Variants in STX17 observed in about 807,000 individuals in gnomAD.
STX17 encodes the protein syntaxin 17.
STX17 carries 29 observed loss-of-function variants against 35.9 expected under a neutral mutation model. The ratio of observed to expected loss-of-function variants is 0.81; its 90% CI spans 0.60 to 1.10. STX17 has a LOEUF of 1.10. STX17 is among the 50% of genes least tolerant of loss of function. The pLI, the probability that STX17 is intolerant of heterozygous loss-of-function variation, is 0.00. For missense variants in STX17, 312 were observed against 352.3 expected, an observed-to-expected ratio of 0.89 and a Z score of 0.92; for synonymous variants, 92 against 118.3, an observed-to-expected ratio of 0.78 and a Z score of 1.44.
chr9:99,918,386 T>C (rs1828821102), intron 2 of STX17, among the ~76,000 whole-genome samples: 3 of 152,318 alleles, frequency 2.0e-5, no homozygotes, highest in Admixed American at 6.5e-5. Flanking sequence ...TCCTCCTGTG[T>C]TGGCCTCTCA....
rs146114492 is a variant in STX17 at position 99,921,870 on chromosome 9, T to A, written c.123+6508T>A. Among the ~76,000 whole-genome samples, 19 of 152,260 alleles carry A rather than the reference T, an allele frequency of 1.2e-4. No homozygotes were observed. In the East Asian group the frequency reaches 3.3e-3, roughly 26 times the overall value. On this transcript the variant is annotated intron_variant, in intron 2 of 7. Transcript: ENST00000259400. Reference sequence around the variant, plus strand: ...CTGAAGTATCTAGGTTTGTTCTTAATCTTCCTTTGTTTTTATTTTCCTCTT... The same window carrying A: ...CTGAAGTATCTAGGTTTGTTCTTAAACTTCCTTTGTTTTTATTTTCCTCTT...
intron 4 of STX17, among the ~76,000 whole-genome samples, chr9:99,959,370 G>C (rs971179343): frequency 6.7e-6 from 1 of 149,774 alleles, no homozygotes; most frequent in Non-Finnish European, 1.5e-5. Flanking sequence ...TAGCAAGACT[G>C]TGTGTCAATT....
intron 3 of STX17, among the ~76,000 whole-genome samples, chr9:99,938,861 C>T (rs924104720): frequency 2.7e-5 from 2 of 75,220 alleles, no homozygotes; most frequent in Non-Finnish European, 5.6e-5. Context: ...AGGAAGCTAT[C>T]GGCCTGAGAT....
At chr9:99,956,329 C>T (rs548829051) in intron 4 of STX17, among the ~76,000 whole-genome samples, 2 of 152,194 alleles carry the variant, frequency 1.3e-5, no homozygotes, top group South Asian at 2.1e-4. Flanking sequence ...TGCATACCCT[C>T]GCAAACTTCA....
chr9:99,950,202 T>C (rs551183046), intron 3 of STX17, among the ~76,000 whole-genome samples: 91 of 151,924 alleles, frequency 6.0e-4, no homozygotes, highest in African/African-American at 2.0e-3. Flanking sequence ...ACTTCATTCA[T>C]AGGGAAGTGC....
intron 3 of STX17, among the ~76,000 whole-genome samples, chr9:99,944,032 TTGTC>T (rs1015100180): frequency 1.0e-4 from 15 of 146,156 alleles, no homozygotes; most frequent in African/African-American, 3.9e-4. Context: ...TGGTTTCTGT[TTGTC>T]AGTTTGATAA....
rs1830039695 is a variant in STX17, at chr9:99,972,711, G to A, written c.*4038G>A. 6.6e-6 allele frequency among the ~76,000 whole-genome samples: 1 copy of A among 152,194 alleles called. No homozygotes were observed. Among genetic ancestry groups the A allele is most frequent in the Non-Finnish European group, 1.5e-5 (1 of 68,024 alleles). On this transcript the variant is annotated 3_prime_UTR_variant, in exon 8 of 8. Coordinates refer to ENST00000259400, the MANE Select transcript of STX17 (RefSeq NM_017919.3). Reference sequence around the variant, plus strand: ...TATAGCTAGATAATATACAACGTTTGTCTTCCATCAGAGTGCAGAAACCAA... The same window carrying A: ...TATAGCTAGATAATATACAACGTTTATCTTCCATCAGAGTGCAGAAACCAA...
At chr9:99,943,243 C>T (rs895730136) in intron 3 of STX17, among the ~76,000 whole-genome samples, 3 of 152,098 alleles carry the variant, frequency 2.0e-5, no homozygotes, top group Non-Finnish European at 4.4e-5. Context: ...AAGTGATTCT[C>T]CTGCCTCAGC....
intron 3 of STX17, among the ~76,000 whole-genome samples, chr9:99,946,051 C>G (rs1394789116): frequency 2.0e-5 from 3 of 152,128 alleles, no homozygotes; most frequent in African/African-American, 7.2e-5. Flanking sequence ...CCACTGCACT[C>G]CAGCCTGGGC....
chr9:99,943,011 C>T (rs905733563), intron 3 of STX17, among the ~76,000 whole-genome samples: 2 of 152,176 alleles, frequency 1.3e-5, no homozygotes, highest in East Asian at 1.9e-4. Flanking sequence ...CAGCCCTGTG[C>T]ATTTTCATAT....
chr9:99,937,504 G>T (rs935797945), intron 3 of STX17, among the ~76,000 whole-genome samples: 1 of 152,000 alleles, frequency 6.6e-6, no homozygotes, highest in African/African-American at 2.4e-5. Context: ...ATGTTTATTA[G>T]TCTTAACAGC....
At chr9:99,953,008 C>G (rs1424470121) in intron 4 of STX17, among the ~76,000 whole-genome samples, 1 of 150,938 alleles carries the variant, frequency 6.6e-6, no homozygotes, top group Non-Finnish European at 1.5e-5. Flanking sequence ...GCACATGTAC[C>G]CTAGAACTTA....
intron 2 of STX17, among the ~76,000 whole-genome samples, chr9:99,924,343 A>G (rs1200678487): frequency 6.6e-6 from 1 of 152,160 alleles, no homozygotes; most frequent in Non-Finnish European, 1.5e-5. Flanking sequence ...CATGTGTCCC[A>G]CGTGGGCCAT....
At chr9:99,963,347 TC>T (rs1270134170) in intron 6 of STX17, among the ~76,000 whole-genome samples, 2 of 152,186 alleles carry the variant, frequency 1.3e-5, no homozygotes, top group African/African-American at 4.8e-5. Context: ...GGCCAGTAGT[TC>T]AGTAACAACT....
intron 3 of STX17, among the ~76,000 whole-genome samples, chr9:99,936,739 G>A (rs1218199467): frequency 2.6e-5 from 4 of 151,936 alleles, no homozygotes; most frequent in African/African-American, 9.7e-5. Flanking sequence ...ATATGCTGTT[G>A]TTCTCATATA....
chr9:99,969,222 A>T lies in STX17; in HGVS notation c.*549A>T, dbSNP rs1384450290. The T allele has an allele frequency of 2.6e-5, 4 of 152,248 alleles. No homozygotes were observed. The highest frequency in any genetic ancestry group is 9.6e-5 in the African/African-American group (4 of 41,452). 9.4% of individuals were successfully genotyped at this position (152,248 alleles called of 1,614,324 possible). A position where few individuals can be genotyped will look rare whatever the true frequency, so the allele number is the denominator to read the frequency against. On this transcript the variant is annotated 3_prime_UTR_variant, in exon 8 of 8. Transcript: ENST00000259400. ...CTATATCTTCTGGTGAAGGAAATTA[A>T]TGATGTAAGAAAATGCAAGAGGCTC...
chr9:99,961,733 G>A (rs1829829678), intron 6 of STX17, among the ~76,000 whole-genome samples: 1 of 151,930 alleles, frequency 6.6e-6, no homozygotes, highest in African/African-American at 2.4e-5. Context: ...TTTTAAATGA[G>A]AAGTTCCTAG....
Position 99,968,390 on chromosome 9 carries a change from A to G in STX17, c.670-44A>G, listed in dbSNP as rs375346135. The stretch of plus-strand genomic sequence containing the variant: ...AAAACGCACATCACCACAGGCAGAT[A>G]TTCTCAACTCAGTTTCTAAATTGAA... On this transcript the variant is annotated intron_variant, in intron 7 of 7. Coordinates refer to ENST00000259400, the MANE Select transcript of STX17 (RefSeq NM_017919.3). 44 of 1,516,828 alleles carry G rather than the reference A, an allele frequency of 2.9e-5. No homozygotes were observed. In the African/African-American group the frequency reaches 5.9e-4, roughly 20 times the overall value. The allele number at this position is 1,516,828 out of a possible 1,614,324, so 94.0% of individuals were successfully genotyped here. A position where few individuals can be genotyped will look rare whatever the true frequency, so the allele number is the denominator to read the frequency against.
At chr9:99,915,765 C>A (rs1403678547) in intron 2 of STX17, among the ~76,000 whole-genome samples, 1 of 152,094 alleles carries the variant, frequency 6.6e-6, no homozygotes, top group Non-Finnish European at 1.5e-5. Flanking sequence ...TGCTTTGTTG[C>A]CCAGGCTGGT....
Sources: allele counts gnomAD v4.1 joint callset (sites outside exome capture counted in the v4.1 genomes callset), GRCh38; gene constraint gnomAD v4.1.1; transcripts MANE v1.5; gene names NCBI Gene and HGNC (gene_info 2026-07-23, HGNC 2026-07-21).